STX8: variants seen among roughly 807,000 people sequenced by gnomAD.
STX8 encodes syntaxin 8, also known as syntaxin-8.
Under a neutral mutation model 37.5 loss-of-function variants are expected in STX8, and 23 were observed. That is an observed-to-expected ratio of 0.61 (90% CI 0.44 to 0.87). The LOEUF is 0.87. Among genes scored for constraint, STX8 ranks in the 40% least tolerant of loss-of-function variants. The pLI, the probability that STX8 is intolerant of heterozygous loss-of-function variation, is 0.00. For missense variants in STX8, 313 were observed against 284.7 expected (o/e 1.10, Z -0.71); for synonymous variants, 115 against 99.1 (o/e 1.16, Z -0.95).
chr17:9,436,228 C>G (rs1407777992), intron 6 of STX8, among the ~76,000 whole-genome samples: 1 of 151,758 alleles, frequency 6.6e-6, no homozygotes, highest in South Asian at 2.1e-4. Flanking sequence ...GCCTGTAGTC[C>G]CAGCTACTTG....
rs757411419 is a variant in STX8 at position 9,471,031 on chromosome 17, CTTTTTT to C, written c.541+20792_541+20797del. ...TACAGGCGTGAGCCACTGCATCCTGCTTTTTTTTTTTTTTTTTTTTTTTGACAGAGT... is the reference window on the plus strand; with the variant it reads ...TACAGGCGTGAGCCACTGCATCCTGCTTTTTTTTTTTTTTTTTGACAGAGT... On this transcript the variant is annotated intron_variant, in intron 6 of 7. Transcript: ENST00000306357. Among the ~76,000 whole-genome samples the C allele has an allele frequency of 2.7e-4, 9 of 33,056 alleles. 1 individual carries two copies. Among genetic ancestry groups the C allele is most frequent in the African/African-American group, 7.7e-4 (7 of 9,062 alleles). The allele number at this position is 33,056 out of a possible 152,430, so 21.7% of individuals were successfully genotyped here. A position where few individuals can be genotyped will look rare whatever the true frequency, so the allele number is the denominator to read the frequency against.
At chr17:9,440,599 A>G (rs1484842250) in intron 6 of STX8, among the ~76,000 whole-genome samples, 3 of 148,510 alleles carry the variant, frequency 2.0e-5, no homozygotes, top group Admixed American at 1.4e-4. Flanking sequence ...ATCTCGGCTC[A>G]CTGCAACCTC....
At chr17:9,523,814 C>T (rs1189107086) in intron 4 of STX8, among the ~76,000 whole-genome samples, 1 of 152,176 alleles carries the variant, frequency 6.6e-6, no homozygotes, top group African/African-American at 2.4e-5. Context: ...AGCAGTGCCA[C>T]CATCAATAAT....
At chr17:9,414,643 A>AG (rs994043391) in intron 6 of STX8, among the ~76,000 whole-genome samples, 2 of 152,136 alleles carry the variant, frequency 1.3e-5, no homozygotes, top group African/African-American at 4.8e-5. Flanking sequence ...TCACAGGGTG[A>AG]GACCGCTCTA....
intron 6 of STX8, among the ~76,000 whole-genome samples, chr17:9,432,505 A>G (rs1225949259): frequency 6.6e-6 from 1 of 152,182 alleles, no homozygotes; most frequent in Non-Finnish European, 1.5e-5. Context: ...TCGGAAGAAA[A>G]AAAAAATGCC....
intron 7 of STX8, among the ~76,000 whole-genome samples, chr17:9,344,405 C>T (rs543432140): frequency 6.6e-6 from 1 of 152,178 alleles, no homozygotes; most frequent in East Asian, 1.9e-4. Flanking sequence ...GGATTACAGG[C>T]GTCCGCCACC....
intron 7 of STX8, among the ~76,000 whole-genome samples, chr17:9,298,491 T>G (rs1260465751): frequency 6.6e-6 from 1 of 152,102 alleles, no homozygotes; most frequent in Non-Finnish European, 1.5e-5. Context: ...TGTGAGCAAA[T>G]GTACTTCTGT....
At chr17:9,294,105 G>A (rs1908425015) in intron 7 of STX8, among the ~76,000 whole-genome samples, 1 of 152,162 alleles carries the variant, frequency 6.6e-6, no homozygotes. Flanking sequence ...AGCAAATGAT[G>A]AAGATTCCAC....
chr17:9,481,606 C>G (rs1906347323), intron 6 of STX8, among the ~76,000 whole-genome samples: 2 of 152,136 alleles, frequency 1.3e-5, no homozygotes, highest in Non-Finnish European at 1.5e-5. Context: ...TATTAAACCA[C>G]ATGGCATCAT....
intron 7 of STX8, among the ~76,000 whole-genome samples, chr17:9,266,410 G>GAAGT (rs899233828): frequency 7.9e-5 from 12 of 152,220 alleles, no homozygotes; most frequent in African/African-American, 2.9e-4. Context: ...GCCCAGATGA[G>GAAGT]AAGTGTGCTT....
intron 7 of STX8, among the ~76,000 whole-genome samples, chr17:9,299,439 CTTTT>C (rs34149994): frequency 3.1e-4 from 29 of 93,010 alleles, no homozygotes; most frequent in Admixed American, 1.3e-3. Flanking sequence ...CATTCTTACG[CTTTT>C]TTTTTTTTTT....
intron 7 of STX8, among the ~76,000 whole-genome samples, chr17:9,297,503 A>G (rs1028806503): frequency 3.6e-4 from 55 of 152,320 alleles, no homozygotes; most frequent in African/African-American, 1.3e-3. Flanking sequence ...CTTTTATTTC[A>G]GCATTCGTGA....
intron 6 of STX8, among the ~76,000 whole-genome samples, chr17:9,381,450 A>G (rs1198089594): frequency 6.6e-6 from 1 of 152,212 alleles, no homozygotes. Context: ...CAACCCATGC[A>G]AAAAGAATAG....
intron 6 of STX8, among the ~76,000 whole-genome samples, chr17:9,477,750 T>C (rs541080575): frequency 1.3e-5 from 2 of 152,364 alleles, no homozygotes; most frequent in South Asian, 4.1e-4. Flanking sequence ...TTCCAAGATA[T>C]TTATTTGCTT....
chr17:9,335,692 C>A (rs960462027), intron 7 of STX8, among the ~76,000 whole-genome samples: 2 of 151,938 alleles, frequency 1.3e-5, no homozygotes, highest in Non-Finnish European at 2.9e-5. Flanking sequence ...TCAGAAATAA[C>A]CTTCAATAAG....
chr17:9,475,093 T>G (rs2142444559), intron 6 of STX8, among the ~76,000 whole-genome samples: 3 of 152,284 alleles, frequency 2.0e-5, no homozygotes, highest in African/African-American at 7.2e-5. Flanking sequence ...AGAGAGACTT[T>G]GAGCTCCAAA....
At chr17:9,544,170 T>C (rs569134032) in intron 4 of STX8, among the ~76,000 whole-genome samples, 4 of 152,290 alleles carry the variant, frequency 2.6e-5, no homozygotes, top group African/African-American at 9.6e-5. Flanking sequence ...CTCTCCACGA[T>C]AAATGCATCA....
intron 7 of STX8, among the ~76,000 whole-genome samples, chr17:9,292,783 G>A (rs1908361489): frequency 6.6e-6 from 1 of 152,172 alleles, no homozygotes; most frequent in Non-Finnish European, 1.5e-5. Flanking sequence ...GAGCCAACAA[G>A]TCTTCCCCTC....
At chr17:9,254,258 C>G (rs890292399) in intron 7 of STX8, among the ~76,000 whole-genome samples, 1 of 152,168 alleles carries the variant, frequency 6.6e-6, no homozygotes, top group Admixed American at 6.5e-5. Flanking sequence ...AGCTTCGACA[C>G]GCGCTATCCT....
Sources: allele counts gnomAD v4.1 joint callset (sites outside exome capture counted in the v4.1 genomes callset), GRCh38; gene constraint gnomAD v4.1.1; transcripts MANE v1.5; gene names NCBI Gene and HGNC (gene_info 2026-07-23, HGNC 2026-07-21).